The following MLLT3 variants were observed in gnomAD, a reference collection of about 807,000 sequenced individuals.
MLLT3 encodes the protein protein AF-9.
Under a neutral mutation model 53.2 loss-of-function variants are expected in MLLT3, and 4 were observed. The ratio of observed to expected loss-of-function variants is 0.08; its 90% CI spans 0.04 to 0.17. MLLT3 has a LOEUF of 0.17. MLLT3 is among the 10% of genes least tolerant of loss of function. The pLI, the probability that MLLT3 is intolerant of heterozygous loss-of-function variation, is 1.00. For synonymous variants in MLLT3, 283 were observed against 230.6 expected, an observed-to-expected ratio of 1.23 and a Z score of -2.06; for missense variants, 569 against 684.0, an observed-to-expected ratio of 0.83 and a Z score of 1.87.
intron 2 of MLLT3, among the ~76,000 whole-genome samples, chr9:20,542,467 G>T (rs1818664943): frequency 6.6e-6 from 1 of 152,064 alleles, no homozygotes. Context: ...AGCCAGGATG[G>T]TCTCGATCTC....
At chr9:20,412,993 G>A (rs1822767325) in intron 5 of MLLT3, among the ~76,000 whole-genome samples, 1 of 152,098 alleles carries the variant, frequency 6.6e-6, no homozygotes, top group Non-Finnish European at 1.5e-5. Flanking sequence ...GAATTAGATG[G>A]TCAGATGCTC....
At chr9:20,542,530 G>A (rs954724730) in intron 2 of MLLT3, among the ~76,000 whole-genome samples, 8 of 152,184 alleles carry the variant, frequency 5.3e-5, no homozygotes, top group East Asian at 1.9e-4. Context: ...GATTACAGGC[G>A]TGAGCCAGAG....
intron 2 of MLLT3, among the ~76,000 whole-genome samples, chr9:20,613,380 A>T (rs1169785147): frequency 6.6e-6 from 1 of 152,238 alleles, no homozygotes; most frequent in African/African-American, 2.4e-5. Context: ...TGTAAGCAAC[A>T]TATATGTGCA....
intron 2 of MLLT3, among the ~76,000 whole-genome samples, chr9:20,509,964 A>C (rs1354574226): frequency 6.6e-6 from 1 of 152,140 alleles, no homozygotes; most frequent in Non-Finnish European, 1.5e-5. Context: ...AAAGATGAGA[A>C]TATCAACATT....
chr9:20,553,315 G>A (rs145500672), intron 2 of MLLT3, among the ~76,000 whole-genome samples: 9 of 152,190 alleles, frequency 5.9e-5, no homozygotes, highest in Non-Finnish European at 1.3e-4. Flanking sequence ...CTCTAGAAGA[G>A]CTTATATGCA....
chr9:20,350,487 T>A (rs369534599), intron 10 of MLLT3, among the ~76,000 whole-genome samples: 1 of 149,206 alleles, frequency 6.7e-6, no homozygotes, highest in African/African-American at 2.5e-5. Flanking sequence ...CCCAGCTACT[T>A]GGGAGGCTGA....
At chr9:20,564,932 G>C (rs1196310390) in intron 2 of MLLT3, among the ~76,000 whole-genome samples, 1 of 152,124 alleles carries the variant, frequency 6.6e-6, no homozygotes, top group Non-Finnish European at 1.5e-5. Flanking sequence ...ACACGGTATG[G>C]GTAGCACTTA....
intron 8 of MLLT3, among the ~76,000 whole-genome samples, chr9:20,358,535 G>C: frequency 6.6e-6 from 1 of 152,134 alleles, no homozygotes; most frequent in East Asian, 1.9e-4. Context: ...GTTTTGTTTT[G>C]CTAGACAGGT....
chr9:20,488,654 A>G (rs1351281564), intron 2 of MLLT3, among the ~76,000 whole-genome samples: 7 of 152,186 alleles, frequency 4.6e-5, no homozygotes, highest in Non-Finnish European at 4.4e-5. Flanking sequence ...AATATACAGA[A>G]TCTGATTCTT....
At position 20,621,738 on chromosome 9, in the gene MLLT3, C is replaced by T. The variant is rs1428325161; in HGVS notation, c.12+507G>A. On this transcript the variant is annotated intron_variant, in intron 1 of 10. Coordinates refer to ENST00000380338, the MANE Select transcript of MLLT3 (RefSeq NM_004529.4). The surrounding 1 kb of genome is among the most constrained non-coding windows in gnomAD (Gnocchi z 7.0). ...GCCCCGCCGCTGTCAGCCCCGCACA[C>T]TTCGGCTCACACACGCGCGCCGCGG... 26 of 1,492,304 alleles carry T rather than the reference C, an allele frequency of 1.7e-5. No individual in the cohort carries two copies. Among genetic ancestry groups the T allele is most frequent in the Admixed American group, 2.2e-5 (1 of 45,406 alleles). 92.4% of individuals were successfully genotyped at this position (1,492,304 alleles called of 1,614,324 possible).
chr9:20,579,240 G>A lies in MLLT3; in HGVS notation c.193+41414C>T, dbSNP rs148233190. Among the ~76,000 whole-genome samples, 575 of 152,088 alleles carry A rather than the reference G, an allele frequency of 3.8e-3. 5 individuals carry two copies. The highest frequency in any genetic ancestry group is 0.013 in the African/African-American group (554 of 41,474). ...AATTAAAATTTAAAATTAGCTGGGCGTATGCTTGTGGTCCCAGCTACTCTG... is the reference window on the plus strand; with the variant it reads ...AATTAAAATTTAAAATTAGCTGGGCATATGCTTGTGGTCCCAGCTACTCTG... On this transcript the variant is annotated intron_variant, in intron 2 of 10. Coordinates refer to ENST00000380338, the MANE Select transcript of MLLT3 (RefSeq NM_004529.4).
chr9:20,570,844 T>C (rs567286282), intron 2 of MLLT3, among the ~76,000 whole-genome samples: 1 of 152,352 alleles, frequency 6.6e-6, no homozygotes, highest in East Asian at 1.9e-4. Flanking sequence ...TTTTTGACTC[T>C]AACTTCCCAC....
intron 2 of MLLT3, among the ~76,000 whole-genome samples, chr9:20,491,561 C>T (rs949779073): frequency 6.6e-6 from 1 of 152,092 alleles, no homozygotes; most frequent in African/African-American, 2.4e-5. Flanking sequence ...GAATAAATGG[C>T]ATTTCCTACT....
intron 2 of MLLT3, among the ~76,000 whole-genome samples, chr9:20,471,748 C>T (rs1046480434): frequency 6.6e-6 from 1 of 151,966 alleles, no homozygotes; most frequent in Non-Finnish European, 1.5e-5. Context: ...AGAGAAGGTG[C>T]CACTGAGCCA....
intron 2 of MLLT3, among the ~76,000 whole-genome samples, chr9:20,612,096 G>C (rs920249441): frequency 2.0e-5 from 3 of 152,124 alleles, no homozygotes; most frequent in Non-Finnish European, 4.4e-5. Context: ...AGCTATTGCT[G>C]AACATTTGTC....
At position 20,377,393 on chromosome 9, in the gene MLLT3, TTA is replaced by T. The variant is rs202051076; in HGVS notation, c.1126-11651_1126-11650del. ...ATTGAACAAAGTCATAAAAAGTACATTATGGCTACAGGGCTCAGTACTGGATT... is the reference window on the plus strand; with the variant it reads ...ATTGAACAAAGTCATAAAAAGTACATTGGCTACAGGGCTCAGTACTGGATT... On this transcript the variant is annotated intron_variant, in intron 5 of 10. Coordinates refer to ENST00000380338, the MANE Select transcript of MLLT3 (RefSeq NM_004529.4). Among the ~76,000 whole-genome samples the T allele has an allele frequency of 5.6e-3, 851 of 152,212 alleles. 13 individuals are homozygous for T. The highest frequency in any genetic ancestry group is 0.019 in the African/African-American group (809 of 41,546).
intron 2 of MLLT3, among the ~76,000 whole-genome samples, chr9:20,521,593 A>T (rs1307124013): frequency 6.6e-6 from 1 of 151,812 alleles, no homozygotes; most frequent in Non-Finnish European, 1.5e-5. Context: ...CTTTTGATTC[A>T]TTACCACATT....
intron 10 of MLLT3, among the ~76,000 whole-genome samples, chr9:20,351,938 C>T (rs545273404): frequency 5.9e-5 from 9 of 152,332 alleles, no homozygotes; most frequent in Admixed American, 1.3e-4. Flanking sequence ...AGCTTTCAAC[C>T]GGCCTGGGAA....
chr9:20,441,923 C>T (rs753444785), intron 4 of MLLT3, among the ~76,000 whole-genome samples: 4 of 152,054 alleles, frequency 2.6e-5, no homozygotes, highest in Non-Finnish European at 5.9e-5. Flanking sequence ...TTCCTAAGAA[C>T]ATAATTTGTT....
Sources: allele counts gnomAD v4.1 joint callset (sites outside exome capture counted in the v4.1 genomes callset), GRCh38; gene constraint gnomAD v4.1.1; non-coding constraint Gnocchi (gnomAD v3.1); transcripts MANE v1.5; gene names NCBI Gene and HGNC (gene_info 2026-07-23, HGNC 2026-07-21).